The following CNTNAP3 variants were observed in gnomAD, a reference collection of about 807,000 sequenced individuals.
CNTNAP3 encodes the protein contactin-associated protein-like 3.
Under a neutral mutation model 92.1 loss-of-function variants are expected in CNTNAP3, and 36 were observed. That is an observed-to-expected ratio of 0.39 (90% confidence interval 0.30 to 0.52). CNTNAP3 has a LOEUF of 0.52. Ranked by LOEUF, CNTNAP3 falls within the 20% of genes least tolerant of loss-of-function variation. CNTNAP3 has a pLI of 0.76. For synonymous variants in CNTNAP3, 232 were observed against 422.3 expected (o/e 0.55, Z 5.53); for missense variants, 534 against 1,069.6 (o/e 0.50, Z 6.98).
intron 13 of CNTNAP3, among the ~76,000 whole-genome samples, chr9:39,127,079 T>A (rs1821170060): frequency 6.6e-6 from 1 of 151,850 alleles, no homozygotes; most frequent in African/African-American, 2.4e-5. Context: ...CATAATGGAA[T>A]CAAACTGGAA....
In CNTNAP3 at chr9:39,068,309, G is replaced by A. The variant is rs1351007127; in HGVS notation, c.*5581C>T. On this transcript the variant is annotated 3_prime_UTR_variant, in exon 24 of 24. Coordinates refer to ENST00000297668, the MANE Select transcript of CNTNAP3 (RefSeq NM_033655.5). ...CTTGTGCCTGTAGTCCCAGCTACTC[G>A]GGAGGCTGAGGCAGGAGAATGGCAT... 6.6e-6 allele frequency among the ~76,000 whole-genome samples: 1 copy of A among 152,252 alleles called. No homozygotes were observed. The highest frequency in any genetic ancestry group is 6.5e-5 in the Admixed American group (1 of 15,290).
chr9:39,096,587 G>T (rs1333948925), intron 18 of CNTNAP3, among the ~76,000 whole-genome samples: 1 of 150,010 alleles, frequency 6.7e-6, no homozygotes, highest in Non-Finnish European at 1.5e-5. Context: ...TAGTTATTTT[G>T]AAATATACAA....
intron 23 of CNTNAP3, among the ~76,000 whole-genome samples, chr9:39,075,244 C>G (rs1825727881): frequency 6.6e-6 from 1 of 151,056 alleles, no homozygotes; most frequent in African/African-American, 2.4e-5. Context: ...ATTCTCGACT[C>G]TAGCTGCACA....
chr9:39,073,740 C>A lies in CNTNAP3; in HGVS notation c.*150G>T, dbSNP rs1587690875. ...GCAGGTCTTCAGCCAGGTGACAGCA[C>A]TGCACCTGCTTGTGTGCACCCTGAT... On this transcript the variant is annotated 3_prime_UTR_variant, in exon 24 of 24. Transcript: ENST00000297668. 2 of 1,571,666 alleles carry A rather than the reference C, an allele frequency of 1.3e-6. No individual in the cohort carries two copies. The highest frequency in any genetic ancestry group is 2.2e-5 in the East Asian group (1 of 44,710).
chr9:39,083,615 C>T (rs3119709), intron 21 of CNTNAP3, among the ~76,000 whole-genome samples: 144 of 150,992 alleles, frequency 9.5e-4, no homozygotes, highest in Middle Eastern at 6.8e-3. Context: ...GCCGAGATTG[C>T]GCCACTGCAC....
chr9:39,125,040 T>C (rs1389046333), intron 13 of CNTNAP3, among the ~76,000 whole-genome samples: 3 of 152,146 alleles, frequency 2.0e-5, no homozygotes, highest in Non-Finnish European at 4.4e-5. Flanking sequence ...ATCATGCTGC[T>C]ATAAAGACAC....
At chr9:39,115,328 TAAAGAC>T (rs924808535) in intron 14 of CNTNAP3, among the ~76,000 whole-genome samples, 1 of 151,986 alleles carries the variant, frequency 6.6e-6, no homozygotes, top group African/African-American at 2.4e-5. Flanking sequence ...AAATAAGTAA[TAAAGAC>T]TAAGATTTAT....
Position 39,101,639 on chromosome 9 carries a change from G to A in CNTNAP3, c.2755+858C>T, listed in dbSNP as rs1373391185. 4.1e-5 allele frequency among the ~76,000 whole-genome samples: 6 copies of A among 147,444 alleles called. No homozygotes were observed. In the East Asian group the frequency reaches 1.1e-3, roughly 26 times the overall value. ...AACAGCAGCGAGGAAAACCGGGAGTGGGCTCCTGGAAGCCTGGCCGCGGGG... is the reference window on the plus strand; with the variant it reads ...AACAGCAGCGAGGAAAACCGGGAGTAGGCTCCTGGAAGCCTGGCCGCGGGG... On this transcript the variant is annotated intron_variant, in intron 17 of 23. Transcript: ENST00000297668.
chr9:39,140,387 T>A (rs1821546588), intron 12 of CNTNAP3, 132 bp downstream of exon 12: 8 of 1,376,738 alleles, frequency 5.8e-6, no homozygotes, highest in East Asian at 5.3e-5. Flanking sequence ...ACAACAAAAT[T>A]AATAAATATA....
chr9:39,086,663 T>A lies in CNTNAP3; in HGVS notation c.3354+53A>T, dbSNP rs539815325. 6.4e-6 allele frequency: 10 copies of A among 1,564,690 alleles called. No homozygotes were observed. The East Asian group carries it at 2.4e-4, about 37-fold the overall frequency. ...TATCAAATTTTTTCATTAGATTATT[T>A]GTTCTTAAAATAATAATATTAGTTA... On this transcript the variant is annotated intron_variant, in intron 20 of 23. Transcript: ENST00000297668.
At chr9:39,114,254 T>A (rs1260166359) in intron 14 of CNTNAP3, among the ~76,000 whole-genome samples, 3 of 151,816 alleles carry the variant, frequency 2.0e-5, no homozygotes, top group Non-Finnish European at 4.4e-5. Context: ...GGCTAATATT[T>A]TTTGTATTTT....
At chr9:39,078,561 C>A (rs1373529753) in intron 22 of CNTNAP3, 105 bp from the exon 23 acceptor site, 73 of 1,557,006 alleles carry the variant, frequency 4.7e-5, no homozygotes, top group Non-Finnish European at 6.2e-5. Context: ...ATAAGAACAT[C>A]ACAAAAATGT....
At chr9:39,149,206 G>A (rs1213470969) in intron 10 of CNTNAP3, among the ~76,000 whole-genome samples, 2 of 152,108 alleles carry the variant, frequency 1.3e-5, no homozygotes, top group African/African-American at 4.8e-5. Context: ...CCAACTGATG[G>A]GTGTGGGGTT....
chr9:39,114,023 T>C (rs559885952), intron 14 of CNTNAP3, among the ~76,000 whole-genome samples: 74 of 141,566 alleles, frequency 5.2e-4, no homozygotes, highest in Admixed American at 1.6e-3. Flanking sequence ...CACATATATA[T>C]ACACACATAT....
chr9:39,096,367 C>A (rs1369751486), intron 18 of CNTNAP3, among the ~76,000 whole-genome samples: 4 of 150,738 alleles, frequency 2.7e-5, no homozygotes, highest in Admixed American at 1.3e-4. Flanking sequence ...GCAGTGAATT[C>A]TCTGTTTTTT....
chr9:39,121,782 T>C (rs1360463687), intron 13 of CNTNAP3, among the ~76,000 whole-genome samples: 1 of 152,148 alleles, frequency 6.6e-6, no homozygotes, highest in Non-Finnish European at 1.5e-5. Flanking sequence ...AATGCTCTTA[T>C]GTCTCCAGTC....
At chr9:39,205,058 G>T (rs1246221069) in intron 3 of CNTNAP3, among the ~76,000 whole-genome samples, 1 of 58,638 alleles carries the variant, frequency 1.7e-5, no homozygotes, top group Non-Finnish European at 2.7e-5. Context: ...TTTGCTCAGA[G>T]ATGGTCAGTA....
At chr9:39,076,318 C>T (rs963847565) in intron 23 of CNTNAP3, among the ~76,000 whole-genome samples, 133 of 152,178 alleles carry the variant, frequency 8.7e-4, no homozygotes, top group African/African-American at 3.1e-3. Context: ...GTTGAAATTG[C>T]TTTTGCATTG....
intron 14 of CNTNAP3, among the ~76,000 whole-genome samples, chr9:39,117,484 A>C (rs1223560366): frequency 6.6e-6 from 1 of 152,210 alleles, no homozygotes; most frequent in Non-Finnish European, 1.5e-5. Flanking sequence ...ACATGAGAAA[A>C]TTGTTTCTGC....
Sources: allele counts gnomAD v4.1 joint callset (sites outside exome capture counted in the v4.1 genomes callset), GRCh38; gene constraint gnomAD v4.1.1; transcripts MANE v1.5; gene names NCBI Gene and HGNC (gene_info 2026-07-23, HGNC 2026-07-21).